The following ZNF33B variants were observed in gnomAD, a reference collection of about 807,000 sequenced individuals.
The protein encoded by ZNF33B is zinc finger protein 33B, also known as zinc finger protein 11b (KOX 2).
ZNF33B carries 29 observed loss-of-function variants against 45.8 expected under a neutral mutation model. The observed-to-expected ratio is 0.63, with a 90% confidence interval of 0.47 to 0.86. The LOEUF (loss-of-function observed/expected upper bound fraction) is 0.86. Among genes scored for constraint, ZNF33B ranks in the 40% least tolerant of loss-of-function variants. The pLI is 0.00. For missense variants in ZNF33B, 831 were observed against 909.9 expected, an observed-to-expected ratio of 0.91 and a Z score of 1.12; for synonymous variants, 305 against 307.8, an observed-to-expected ratio of 0.99 and a Z score of 0.10.
intron 4 of ZNF33B, among the ~76,000 whole-genome samples, chr10:42,605,952 C>G (rs1443937222): frequency 6.6e-6 from 1 of 151,672 alleles, no homozygotes; most frequent in Non-Finnish European, 1.5e-5. Context: ...TGTTTAATTA[C>G]CCGGGCATAG....
intron 4 of ZNF33B, among the ~76,000 whole-genome samples, chr10:42,625,598 C>T (rs1393850820): frequency 2.6e-5 from 4 of 152,168 alleles, no homozygotes; most frequent in African/African-American, 7.2e-5. Context: ...TCCTGCCTCC[C>T]AAGTAGCTGG....
At chr10:42,579,988 C>T (rs1426753901) in intron 1 of ZNF33B, 30 of 154,232 alleles carry the variant, frequency 1.9e-4, no homozygotes, top group Admixed American at 1.6e-3. Flanking sequence ...TTTTACCAAT[C>T]GTGGAAAATG....
Position 42,591,062 on chromosome 10 carries a change from G to C in ZNF33B, c.*1551C>G, listed in dbSNP as rs1350021371. ...GTATGATCTGATCATGTAATGTAGT[G>C]TACAATCTTCACACTGTCAATAAAA... On this transcript the variant is annotated 3_prime_UTR_variant, in exon 5 of 5. Coordinates refer to ENST00000359467, the MANE Select transcript of ZNF33B (RefSeq NM_006955.3). 4.8e-6 allele frequency: 1 copy of C among 208,320 alleles called. No individual in the cohort carries two copies. The highest frequency in any genetic ancestry group is 2.4e-5 in the African/African-American group (1 of 42,512). 12.9% of individuals were successfully genotyped at this position (208,320 alleles called of 1,614,324 possible). A position where few individuals can be genotyped will look rare whatever the true frequency, so the allele number is the denominator to read the frequency against.
chr10:42,594,787 G>A lies in ZNF33B; in HGVS notation c.251-88C>T. On this transcript the variant is annotated intron_variant, in intron 4 of 4. Coordinates refer to ENST00000359467, the MANE Select transcript of ZNF33B (RefSeq NM_006955.3). Reference sequence around the variant, plus strand: ...CTCTACACAAATGCCCTATGTTGTAGCTGACTCTGGTTTTTTGGCCAATTT... The same window carrying A: ...CTCTACACAAATGCCCTATGTTGTAACTGACTCTGGTTTTTTGGCCAATTT... 2.9e-6 allele frequency: 4 copies of A among 1,393,004 alleles called. No individual in the cohort carries two copies. The East Asian group carries it at 7.6e-5, about 26-fold the overall frequency. The allele number at this position is 1,393,004 out of a possible 1,614,324, so 86.3% of individuals were successfully genotyped here. A position where few individuals can be genotyped will look rare whatever the true frequency, so the allele number is the denominator to read the frequency against.
chr10:42,619,533 A>C (rs1320180579), intron 4 of ZNF33B, among the ~76,000 whole-genome samples: 1 of 152,228 alleles, frequency 6.6e-6, no homozygotes, highest in Non-Finnish European at 1.5e-5. Flanking sequence ...CTAGACTCAA[A>C]TCTGGAGGAA....
rs191760192 is a variant in ZNF33B at position 42,620,944 on chromosome 10, A to G, written c.250+10985T>C. On this transcript the variant is annotated intron_variant, in intron 4 of 4. Coordinates refer to ENST00000359467, the MANE Select transcript of ZNF33B (RefSeq NM_006955.3). The stretch of plus-strand genomic sequence containing the variant: ...GTTCCATCAATAAGATATAAAAATT[A>G]TAACTATATATGTACCAAGCAGCAT... 3.3e-5 allele frequency among the ~76,000 whole-genome samples: 5 copies of G among 152,270 alleles called. No individual in the cohort carries two copies. In the East Asian group the frequency reaches 9.7e-4, roughly 29 times the overall value.
At chr10:42,596,155 T>A (rs1180686598) in intron 4 of ZNF33B, among the ~76,000 whole-genome samples, 1 of 151,802 alleles carries the variant, frequency 6.6e-6, no homozygotes, top group Admixed American at 6.6e-5. Flanking sequence ...GGAATAAATC[T>A]AATATTAGAA....
intron 2 of ZNF33B, among the ~76,000 whole-genome samples, chr10:42,634,157 T>A (rs1407462306): frequency 6.6e-6 from 1 of 151,928 alleles, no homozygotes; most frequent in Non-Finnish European, 1.5e-5. Flanking sequence ...GTAATCCTAG[T>A]ACTTTGGGAG....
intron 4 of ZNF33B, among the ~76,000 whole-genome samples, 169 bp from the exon 5 acceptor site, chr10:42,594,868 T>A (rs535611591): frequency 6.6e-6 from 1 of 151,604 alleles, no homozygotes; most frequent in South Asian, 2.1e-4. Flanking sequence ...GAGTTTGGAG[T>A]GAAAAAACAA....
chr10:42,586,051 C>T (rs1836927703), downstream of ZNF33B, among the ~76,000 whole-genome samples: 1 of 152,170 alleles, frequency 6.6e-6, no homozygotes, highest in Non-Finnish European at 1.5e-5. Flanking sequence ...TTACTACACA[C>T]AGACACAGAT....
chr10:42,592,444 A>G lies in ZNF33B; in HGVS notation c.*169T>C. 1.0e-6 allele frequency: 1 copy of G among 966,110 alleles called. No homozygotes were observed. Among genetic ancestry groups the G allele is most frequent in the Non-Finnish European group, 1.5e-6 (1 of 655,028 alleles). 59.8% of individuals were successfully genotyped at this position (966,110 alleles called of 1,614,324 possible). ...CACTTCCTAACAAAAGCCATCCTAT[A>G]GTTGTTGTAGTCTATGGGTTTATCC... On this transcript the variant is annotated 3_prime_UTR_variant, in exon 5 of 5. Coordinates refer to ENST00000359467, the MANE Select transcript of ZNF33B (RefSeq NM_006955.3).
At chr10:42,619,127 C>CAA (rs75304231) in intron 4 of ZNF33B, among the ~76,000 whole-genome samples, 19 of 132,146 alleles carry the variant, frequency 1.4e-4, no homozygotes, top group African/African-American at 5.3e-4. Flanking sequence ...ACAGAAACAC[C>CAA]AAAAAAAAAA....
At chr10:42,615,881 C>T (rs932328733) in intron 4 of ZNF33B, among the ~76,000 whole-genome samples, 6 of 150,238 alleles carry the variant, frequency 4.0e-5, no homozygotes, top group Admixed American at 2.7e-4. Context: ...GCCGAGATCA[C>T]GCCACTGCAC....
At chr10:42,628,709 A>G (rs1838920982) in intron 4 of ZNF33B, among the ~76,000 whole-genome samples, 1 of 152,224 alleles carries the variant, frequency 6.6e-6, no homozygotes, top group African/African-American at 2.4e-5. Flanking sequence ...TTTCCTAAGA[A>G]AACATTTTTA....
chr10:42,594,069 T>C lies in ZNF33B; in HGVS notation c.881A>G (p.Asp294Gly). ...LCVKSTLSKH[D>G]GVPVKHYDCG... The stretch of plus-strand genomic sequence containing the variant: ...ATCATAGTGTTTCACAGGTACCCCA[T>C]CATGTTTAGAAAGGGTGGACTTCAC... Residue 294 changes from aspartate to glycine, a missense_variant, in exon 5 of 5, where the codon GAT (aspartate) becomes GGT (glycine). Physicochemically the swap from Asp to Gly is moderately conservative, Grantham distance 94. Transcript: ENST00000359467. 6.2e-7 allele frequency: 1 copy of C among 1,614,054 alleles called. No homozygotes were observed. Among genetic ancestry groups the C allele is most frequent in the Non-Finnish European group, 8.5e-7 (1 of 1,179,954 alleles).
chr10:42,596,880 A>G (rs1482788539), intron 4 of ZNF33B, among the ~76,000 whole-genome samples: 1 of 151,978 alleles, frequency 6.6e-6, no homozygotes, highest in East Asian at 1.9e-4. Context: ...TTTTGTGAAT[A>G]AAGACATTTC....
intron 4 of ZNF33B, among the ~76,000 whole-genome samples, chr10:42,611,251 G>C (rs1417023089): frequency 6.6e-6 from 1 of 152,090 alleles, no homozygotes; most frequent in African/African-American, 2.4e-5. Flanking sequence ...TGAGGCAGGA[G>C]AAATGCTTGA....
intron 4 of ZNF33B, among the ~76,000 whole-genome samples, chr10:42,625,948 A>T (rs1343930656): frequency 6.6e-6 from 1 of 152,242 alleles, no homozygotes; most frequent in Non-Finnish European, 1.5e-5. Flanking sequence ...GAGAGCAAAC[A>T]TCCTTGCCTT....
intron 4 of ZNF33B, among the ~76,000 whole-genome samples, chr10:42,628,052 T>C (rs150846195): frequency 1.3e-5 from 2 of 152,318 alleles, no homozygotes; most frequent in African/African-American, 2.4e-5. Context: ...AATCTCACTC[T>C]GTAACCCAAG....
Sources: allele counts gnomAD v4.1 joint callset (sites outside exome capture counted in the v4.1 genomes callset), GRCh38; gene constraint gnomAD v4.1.1; transcripts MANE v1.5; gene names NCBI Gene and HGNC (gene_info 2026-07-23, HGNC 2026-07-21).